Variants in CBR4 observed in about 807,000 individuals in gnomAD.
The protein encoded by CBR4 is carbonyl reductase 4.
A neutral mutation model predicts 21.0 loss-of-function variants in CBR4; 22 were observed. That is an observed-to-expected ratio of 1.05 (90% CI 0.75 to 1.50). CBR4 has a LOEUF of 1.50. Ranked by LOEUF, CBR4 falls within the 40% of genes most tolerant of loss-of-function variation. The probability of loss-of-function intolerance (pLI) is 0.00; values close to 1 mark genes in which losing one functional copy is unlikely to be tolerated. For synonymous variants in CBR4, 100 were observed against 104.4 expected, an observed-to-expected ratio of 0.96 and a Z score of 0.26; for missense variants, 302 against 286.3, an observed-to-expected ratio of 1.05 and a Z score of -0.40.
chr4:169,003,974 T>C (rs547311088), intron 3 of CBR4, among the ~76,000 whole-genome samples: 6 of 152,192 alleles, frequency 3.9e-5, no homozygotes, highest in South Asian at 2.1e-4. Context: ...AGGGATAGCA[T>C]TGGGAGATAT....
chr4:168,999,598 C>T (rs1176191062), intron 4 of CBR4, among the ~76,000 whole-genome samples: 2 of 97,288 alleles, frequency 2.1e-5, no homozygotes, highest in African/African-American at 4.0e-5. Context: ...GTTGTATGCT[C>T]AACAAAAAAG....
intron 2 of CBR4, among the ~76,000 whole-genome samples, chr4:168,895,457 A>G (rs1256008993): frequency 2.0e-5 from 3 of 152,254 alleles, no homozygotes; most frequent in Non-Finnish European, 4.4e-5. Context: ...ACTGTTGACC[A>G]GAAGCCTTAC....
At chr4:168,975,531 G>A (rs1161978824) in intron 2 of CBR4, among the ~76,000 whole-genome samples, 1 of 152,178 alleles carries the variant, frequency 6.6e-6, no homozygotes, top group Non-Finnish European at 1.5e-5. Flanking sequence ...CCTCTAGCGA[G>A]GAAGTGATGC....
At chr4:168,965,623 C>A (rs1438532983) in intron 2 of CBR4, among the ~76,000 whole-genome samples, 1 of 152,150 alleles carries the variant, frequency 6.6e-6, no homozygotes, top group African/African-American at 2.4e-5. Flanking sequence ...TGATCTTTGA[C>A]AAACCTGACA....
intron 2 of CBR4, among the ~76,000 whole-genome samples, chr4:168,969,355 T>C (rs890461146): frequency 3.3e-5 from 5 of 152,188 alleles, no homozygotes; most frequent in African/African-American, 7.2e-5. Flanking sequence ...ATGATCCCCC[T>C]AGAGATGCCT....
intron 3 of CBR4, among the ~76,000 whole-genome samples, chr4:169,006,192 C>A (rs996478149): frequency 6.6e-6 from 1 of 152,158 alleles, no homozygotes; most frequent in Non-Finnish European, 1.5e-5. Flanking sequence ...CCACCACTGT[C>A]TACTTTAATT....
At chr4:168,978,529 T>G (rs576198152) in intron 2 of CBR4, among the ~76,000 whole-genome samples, 1 of 152,300 alleles carries the variant, frequency 6.6e-6, no homozygotes, top group African/African-American at 2.4e-5. Flanking sequence ...GGCTCCCCCC[T>G]GCAGGAAAAT....
intron 3 of CBR4, chr4:169,005,994 C>G: frequency 9.9e-7 from 1 of 1,011,118 alleles, no homozygotes; most frequent in South Asian, 1.3e-5. Context: ...AATAAAATTT[C>G]AAGTCATTTT....
intron 2 of CBR4, among the ~76,000 whole-genome samples, chr4:168,974,290 T>A (rs1764303608): frequency 6.6e-6 from 1 of 152,234 alleles, no homozygotes; most frequent in Non-Finnish European, 1.5e-5. Context: ...GGAAATCCGA[T>A]AGGTTTTCCT....
At chr4:168,959,649 T>A (rs1394475938) in intron 2 of CBR4, among the ~76,000 whole-genome samples, 1 of 147,392 alleles carries the variant, frequency 6.8e-6, no homozygotes. Flanking sequence ...CACTGCAATC[T>A]CCACCTCCAG....
At chr4:168,913,058 T>G (rs1269346186) in intron 2 of CBR4, among the ~76,000 whole-genome samples, 2 of 152,054 alleles carry the variant, frequency 1.3e-5, no homozygotes, top group Non-Finnish European at 2.9e-5. Flanking sequence ...CTCCTTATCA[T>G]CCCACGCATA....
Position 168,898,734 on chromosome 4 carries a change from C to T in CBR4, n.170-3969G>A, listed in dbSNP as rs774996623. On this transcript the variant is annotated intron_variant and non_coding_transcript_variant, in intron 2 of 3. Coordinates refer to the CBR4 transcript ENST00000509108. ...CCAAAGGTGAGCTGGGAGATGGAGG[C>T]TTTTTAAGAGTCATTCTCTGAGGAA... 2.6e-6 allele frequency: 4 copies of T among 1,518,014 alleles called. No individual in the cohort carries two copies. In the African/African-American group the frequency reaches 4.1e-5, roughly 16 times the overall value. The allele number at this position is 1,518,014 out of a possible 1,614,324, so 94.0% of individuals were successfully genotyped here.
intron 2 of CBR4, among the ~76,000 whole-genome samples, chr4:168,918,600 G>C (rs1310715336): frequency 6.6e-6 from 1 of 152,108 alleles, no homozygotes; most frequent in Non-Finnish European, 1.5e-5. Context: ...ATAAGTTCAA[G>C]AGATCTGTTG....
At chr4:168,926,529 T>G (rs563854491) in intron 2 of CBR4, 1 of 610,708 alleles carries the variant, frequency 1.6e-6, no homozygotes, top group Admixed American at 3.1e-5. Context: ...TTTTTCTTAC[T>G]TGATATACCA....
chr4:168,932,888 T>C (rs557112979), intron 2 of CBR4, among the ~76,000 whole-genome samples: 7 of 152,212 alleles, frequency 4.6e-5, no homozygotes, highest in African/African-American at 1.7e-4. Flanking sequence ...TTTTCAGATA[T>C]GCAAAAGCTA....
At chr4:168,978,186 T>C (rs1764429252) in intron 2 of CBR4, among the ~76,000 whole-genome samples, 1 of 152,210 alleles carries the variant, frequency 6.6e-6, no homozygotes, top group Non-Finnish European at 1.5e-5. Flanking sequence ...TGACTCACAA[T>C]GTTCTTTGTC....
At chr4:168,948,516 T>TG (rs1763454971) in intron 2 of CBR4, among the ~76,000 whole-genome samples, 1 of 152,230 alleles carries the variant, frequency 6.6e-6, no homozygotes. Context: ...ATTTAAGTCC[T>TG]TAATCCATCT....
In CBR4 at chr4:168,989,086, CTTG is replaced by C; in HGVS notation, c.*1061_*1063del. On this transcript the variant is annotated 3_prime_UTR_variant, in exon 5 of 5. Coordinates refer to ENST00000306193, the MANE Select transcript of CBR4 (RefSeq NM_032783.5). ...CTTAAGACCAGTGCCTTCACTGCTTCTTGTAAAGACATTTAATTTAATGTTATT... is the reference window on the plus strand; with the variant it reads ...CTTAAGACCAGTGCCTTCACTGCTTCTAAAGACATTTAATTTAATGTTATT... 10 of 984,094 alleles carry C rather than the reference CTTG, an allele frequency of 1.0e-5. No individual in the cohort carries two copies. Among genetic ancestry groups the C allele is most frequent in the Non-Finnish European group, 1.2e-5 (10 of 828,742 alleles). The allele number at this position is 984,094 out of a possible 1,614,324, so 61.0% of individuals were successfully genotyped here. A position where few individuals can be genotyped will look rare whatever the true frequency, so the allele number is the denominator to read the frequency against.
chr4:168,977,912 C>T (rs1403581174), intron 2 of CBR4, among the ~76,000 whole-genome samples: 1 of 112,628 alleles, frequency 8.9e-6, no homozygotes, highest in African/African-American at 2.7e-5. Context: ...ACTCAATTTT[C>T]CATTACCTCT....
Sources: gnomAD v4.1 joint callset for allele counts (sites outside exome capture counted in the v4.1 genomes callset) on GRCh38, gnomAD v4.1.1 for gene constraint, MANE v1.5 for transcripts, NCBI Gene and HGNC (gene_info 2026-07-23, HGNC 2026-07-21) for gene names.